RIDA: variants seen among roughly 807,000 people sequenced by gnomAD.
The protein encoded by RIDA is reactive intermediate imine deaminase A.
In RIDA, 17 loss-of-function variants were observed where a neutral mutation model predicts 17.8. That is an observed-to-expected ratio of 0.96 (90% CI 0.65 to 1.43). The LOEUF (loss-of-function observed/expected upper bound fraction) is 1.43. Among genes scored for constraint, RIDA ranks in the 40% most tolerant of loss-of-function variants. The pLI is 0.00. For missense variants in RIDA, 158 were observed against 161.7 expected (o/e 0.98, Z 0.12); for synonymous variants, 48 against 55.7 (o/e 0.86, Z 0.62).
At chr8:98,109,394 C>T (rs1815685860) in intron 1 of RIDA, among the ~76,000 whole-genome samples, 1 of 152,004 alleles carries the variant, frequency 6.6e-6, no homozygotes, top group Admixed American at 6.6e-5. Context: ...AGTTAGAGTA[C>T]ATGAAATTTG....
chr8:98,103,671 C>G lies in RIDA; in HGVS notation c.352-767G>C, dbSNP rs978718000. Among the ~76,000 whole-genome samples the G allele has an allele frequency of 3.3e-5, 5 of 151,570 alleles. No homozygotes were observed. In the East Asian group the frequency reaches 7.8e-4, roughly 24 times the overall value. ...TTTTTTTTTGTGATGGAGTCTCGCT[C>G]TGTCGCCCAGGCTGGAGTGCAGTGG... On this transcript the variant is annotated intron_variant, in intron 5 of 5. Transcript: ENST00000254878.
Position 98,110,204 on chromosome 8 carries a change from A to G in RIDA, c.66-1453T>C, listed in dbSNP as rs569321911. 8.5e-5 allele frequency among the ~76,000 whole-genome samples: 13 copies of G among 152,358 alleles called. No individual in the cohort carries two copies. The South Asian group carries it at 1.4e-3, about 17-fold the overall frequency. ...AAATATTCTAAAATTTGACTATTAT[A>G]GTGGATGCATGATTCTATACATTTA... On this transcript the variant is annotated intron_variant, in intron 1 of 5. Transcript: ENST00000254878.
In RIDA at chr8:98,105,938, A is replaced by G; in HGVS notation, c.295T>C (p.Tyr99His). 6.3e-7 allele frequency: 1 copy of G among 1,591,626 alleles called. No individual in the cohort carries two copies. The highest frequency in any genetic ancestry group is 8.6e-7 in the Non-Finnish European group (1 of 1,160,142). The change falls in exon 4 of 6, where the codon TAT (tyrosine) becomes CAT (histidine). Residue 99 changes from tyrosine to histidine, a missense_variant and splice_region_variant. Physicochemically the swap from Tyr to His is moderately conservative, Grantham distance 83. Coordinates refer to ENST00000254878, the MANE Select transcript of RIDA (RefSeq NM_005836.3). ...ATAGGAATAAAGCCAAATTACTTAC[A>G]CTGTTTGTAGATTTCATTGACAGTA... ...FNTVNEIYKQ[Y>H]FKSNFPARAA...
intron 4 of RIDA, 44 bp from the exon 5 acceptor site, chr8:98,104,588 AAAAAT>A (rs755777779): frequency 5.4e-6 from 6 of 1,111,174 alleles, no homozygotes; most frequent in Non-Finnish European, 8.1e-6. Flanking sequence ...GAAGAGTTGA[AAAAAT>A]AAAGATCAAG....
intron 2 of RIDA, among the ~76,000 whole-genome samples, chr8:98,107,592 T>C (rs10955148): frequency 0.25 from 37,467 of 152,038 alleles, 5,188 homozygotes; most frequent in East Asian, 0.32. Context: ...TTATAGTTTA[T>C]TGTTTTATTT....
intron 5 of RIDA, among the ~76,000 whole-genome samples, chr8:98,103,699 C>A (rs142199356): frequency 6.6e-6 from 1 of 151,568 alleles, no homozygotes; most frequent in Non-Finnish European, 1.5e-5. Context: ...TGCAGTGGCG[C>A]GATTTCGGCT....
chr8:98,109,173 G>C (rs1035955760), intron 1 of RIDA, among the ~76,000 whole-genome samples: 1 of 152,110 alleles, frequency 6.6e-6, no homozygotes, highest in African/African-American at 2.4e-5. Context: ...CAGCCTCAGT[G>C]GCACTGAGTA....
At chr8:98,109,759 C>T (rs1815693195) in intron 1 of RIDA, among the ~76,000 whole-genome samples, 1 of 152,050 alleles carries the variant, frequency 6.6e-6, no homozygotes, top group Admixed American at 6.6e-5. Flanking sequence ...CCATGCCTGG[C>T]TAATTTTTTA....
intron 2 of RIDA, among the ~76,000 whole-genome samples, chr8:98,107,298 G>A (rs1234657758): frequency 6.6e-6 from 1 of 152,208 alleles, no homozygotes; most frequent in African/African-American, 2.4e-5. Flanking sequence ...GCTGAGGTGG[G>A]TGGATCATGA....
At chr8:98,112,907 A>G (rs753122730) in intron 1 of RIDA, among the ~76,000 whole-genome samples, 3 of 152,208 alleles carry the variant, frequency 2.0e-5, no homozygotes, top group Non-Finnish European at 2.9e-5. Context: ...TGGAGCTGAG[A>G]CCATCTGAGC....
chr8:98,115,728 C>T (rs1034898720), intron 1 of RIDA, among the ~76,000 whole-genome samples: 2 of 152,096 alleles, frequency 1.3e-5, no homozygotes, highest in Middle Eastern at 3.4e-3. Context: ...GAGCAGGCCT[C>T]AGGTTTTGAG....
chr8:98,106,186 C>T, intron 3 of RIDA, 86 bp downstream of exon 3: 1 of 1,279,680 alleles, frequency 7.8e-7, no homozygotes, highest in South Asian at 1.2e-5. Flanking sequence ...AAAGATATGG[C>T]ACGGCATCTT....
Position 98,102,938 on chromosome 8 carries a change from T to C in RIDA, c.352-34A>G. 2.6e-6 allele frequency: 4 copies of C among 1,548,320 alleles called. No homozygotes were observed. The South Asian group carries it at 3.4e-5, about 13-fold the overall frequency. ...AAAATGAAAGAATTTGTTGTAATCATTTTGTACAAATTGCAAACTCTATAA... is the reference window on the plus strand; with the variant it reads ...AAAATGAAAGAATTTGTTGTAATCACTTTGTACAAATTGCAAACTCTATAA... On this transcript the variant is annotated intron_variant, in intron 5 of 5. Transcript: ENST00000254878.
intron 1 of RIDA, among the ~76,000 whole-genome samples, chr8:98,111,498 T>C (rs1264761916): frequency 1.3e-5 from 2 of 151,672 alleles, no homozygotes; most frequent in Admixed American, 6.6e-5. Context: ...TCCAGCTACT[T>C]GGGAGGCTGA....
chr8:98,104,845 G>A (rs1815611107), intron 4 of RIDA, among the ~76,000 whole-genome samples: 1 of 152,082 alleles, frequency 6.6e-6, no homozygotes, highest in Admixed American at 6.6e-5. Flanking sequence ...CGAGTAGCTG[G>A]GATTACAGGT....
chr8:98,102,740 A>G lies in RIDA; in HGVS notation c.*102T>C, dbSNP rs535498259. On this transcript the variant is annotated 3_prime_UTR_variant, in exon 6 of 6. Coordinates refer to ENST00000254878, the MANE Select transcript of RIDA (RefSeq NM_005836.3). Reference sequence around the variant, plus strand: ...AGCTTCAGATATTTTCATCAAACTCACACTGTCATCAATTGTGAAAATTAA... The same window carrying G: ...AGCTTCAGATATTTTCATCAAACTCGCACTGTCATCAATTGTGAAAATTAA... 4.3e-4 allele frequency: 333 copies of G among 767,940 alleles called. 4 individuals are homozygous for G. The highest frequency in any genetic ancestry group is 3.4e-3 in the African/African-American group (198 of 57,826). 47.6% of individuals were successfully genotyped at this position (767,940 alleles called of 1,614,324 possible).
chr8:98,104,523 G>T lies in RIDA; in HGVS notation c.317C>A (p.Ala106Asp), dbSNP rs759160435. Residue 106 changes from alanine (A) to aspartate (D), a missense_variant, in exon 5 of 6, where the codon GCT becomes GAT. Coordinates refer to ENST00000254878, the MANE Select transcript of RIDA (RefSeq NM_005836.3). Reference sequence around the variant, plus strand: ...AGCAGCAACTTGGTAAGCAGCTCTAGCAGGAAAATTACTCTTGAAATCTGA... The same window carrying T: ...AGCAGCAACTTGGTAAGCAGCTCTATCAGGAAAATTACTCTTGAAATCTGA... ...YKQYFKSNFP[A>D]RAAYQVAALP... 2 of 1,591,040 alleles carry T rather than the reference G, an allele frequency of 1.3e-6. No individual in the cohort carries two copies. Among genetic ancestry groups the T allele is most frequent in the South Asian group, 2.2e-5 (2 of 90,196 alleles).
At chr8:98,106,470 C>T (rs1815634244) in intron 2 of RIDA, 144 bp from the exon 3 acceptor site, 1 of 641,808 alleles carries the variant, frequency 1.6e-6, no homozygotes, top group Admixed American at 2.7e-5. Context: ...AAGTGTGTTT[C>T]TTGGCTTTCC....
intron 5 of RIDA, among the ~76,000 whole-genome samples, chr8:98,103,803 A>AT (rs941456699): frequency 1.9e-4 from 29 of 150,496 alleles, no homozygotes; most frequent in African/African-American, 2.9e-4. Flanking sequence ...CACCCGGCTA[A>AT]TTTTTTTTTG....
Sources: allele counts gnomAD v4.1 joint callset (sites outside exome capture counted in the v4.1 genomes callset), GRCh38; gene constraint gnomAD v4.1.1; transcripts MANE v1.5; gene names NCBI Gene and HGNC (gene_info 2026-07-23, HGNC 2026-07-21).